The following SPINK5 variants were observed in gnomAD, a reference collection of about 807,000 sequenced individuals.
SPINK5 encodes the protein serine protease inhibitor Kazal-type 5.
SPINK5 carries 125 observed loss-of-function variants against 151.8 expected under a neutral mutation model. That is an observed-to-expected ratio of 0.82 (90% confidence interval 0.71 to 0.96). SPINK5 has a LOEUF of 0.96. Among genes scored for constraint, SPINK5 ranks in the 40% least tolerant of loss-of-function variants. The pLI, the probability that SPINK5 is intolerant of heterozygous loss-of-function variation, is 0.00. For missense variants in SPINK5, 1,194 were observed against 1,291.9 expected (o/e 0.92, Z 1.16); for synonymous variants, 374 against 395.3 (o/e 0.95, Z 0.64).
At chr5:148,109,639 G>A (rs112674531) in intron 18 of SPINK5, among the ~76,000 whole-genome samples, 6 of 151,914 alleles carry the variant, frequency 3.9e-5, no homozygotes, top group South Asian at 2.1e-4. Context: ...GATTTTACAC[G>A]CTTCTGCCAT....
At chr5:148,077,481 C>T (rs1332844511) in intron 4 of SPINK5, among the ~76,000 whole-genome samples, 1 of 150,854 alleles carries the variant, frequency 6.6e-6, no homozygotes, top group Non-Finnish European at 1.5e-5. Context: ...TGAAGGAGGT[C>T]ATTTAGCTGA....
intron 19 of SPINK5, 26 bp from the exon 20 acceptor site, chr5:148,112,842 T>C (rs766039444): frequency 3.1e-6 from 5 of 1,613,574 alleles, no homozygotes; most frequent in Non-Finnish European, 4.2e-6. Flanking sequence ...CTAGGAATGA[T>C]TGTTTTGTCC....
chr5:148,095,864 G>A lies in SPINK5; in HGVS notation c.841G>A (p.Gly281Arg), dbSNP rs766983037. Residue 281 changes from glycine to arginine, a missense_variant, in exon 10 of 33, where the codon GGA (glycine) becomes AGA (arginine). Coordinates refer to ENST00000256084, the MANE Select transcript of SPINK5 (RefSeq NM_006846.4). ...EENSKTDQNLGKAEEKTKVKR... is the reference protein window; with the variant it reads ...EENSKTDQNLRKAEEKTKVKR... ...AAACAGTAAAACAGATCAAAATTTG[G>A]GAAAAGCTGAAGAAAAAACTAAAGT... 4 of 1,612,304 alleles carry A rather than the reference G, an allele frequency of 2.5e-6. No individual in the cohort carries two copies. Among genetic ancestry groups the A allele is most frequent in the Non-Finnish European group, 3.4e-6 (4 of 1,179,000 alleles).
rs142558269 is a variant in SPINK5, at chr5:148,095,825, C to T, written c.802C>T (p.Arg268Cys). ...TTATTTTACTTTTTCCAGCAAGCAGCGTTTTTCAGAGGAAAACAGTAAAAC... is the reference window on the plus strand; with the variant it reads ...TTATTTTACTTTTTCCAGCAAGCAGTGTTTTTCAGAGGAAAACAGTAAAAC... Reference protein sequence around the residue: ...CALCAEIFKQRFSEENSKTDQ... With the variant: ...CALCAEIFKQCFSEENSKTDQ... Residue 268 changes from arginine to cysteine, a missense_variant, in exon 10 of 33, where the codon CGT becomes TGT. Physicochemically the swap from Arg to Cys is radical, Grantham distance 180. Transcript: ENST00000256084. 8.4e-3 allele frequency: 13,586 copies of T among 1,611,294 alleles called. 70 individuals carry two copies. Among genetic ancestry groups the T allele is most frequent in the South Asian group, 0.01 (952 of 91,016 alleles).
At chr5:148,070,075 A>G (rs778082098) in intron 2 of SPINK5, among the ~76,000 whole-genome samples, 1 of 152,098 alleles carries the variant, frequency 6.6e-6, no homozygotes, top group Non-Finnish European at 1.5e-5. Context: ...AATAATACTG[A>G]CAATCACCAG....
intron 4 of SPINK5, among the ~76,000 whole-genome samples, chr5:148,074,017 T>A (rs1001197453): frequency 7.9e-5 from 12 of 151,856 alleles, no homozygotes; most frequent in African/African-American, 2.7e-4. Flanking sequence ...TCTGTCTAAA[T>A]TTTTCCTTGT....
chr5:148,086,272 A>G (rs1753150950), intron 4 of SPINK5, 133 bp from the exon 5 acceptor site: 6 of 1,067,026 alleles, frequency 5.6e-6, no homozygotes, highest in Middle Eastern at 6.0e-4. Context: ...TATTAGCTCA[A>G]TGTAGCCTTC....
chr5:148,131,102 A>G (rs1429047056), intron 30 of SPINK5, among the ~76,000 whole-genome samples, 157 bp from the exon 31 acceptor site: 1 of 152,192 alleles, frequency 6.6e-6, no homozygotes, highest in Admixed American at 6.5e-5. Context: ...TCCACCTCAT[A>G]TGGTGCAAAA....
At chr5:148,086,314 T>G in intron 4 of SPINK5, 91 bp from the exon 5 acceptor site, 1 of 1,515,100 alleles carries the variant, frequency 6.6e-7, no homozygotes, top group Non-Finnish European at 8.9e-7. Flanking sequence ...GCAATTTACA[T>G]TATTGTGGGC....
intron 11 of SPINK5, 109 bp downstream of exon 11, chr5:148,098,103 A>G (rs1411554934): frequency 1.9e-6 from 2 of 1,042,738 alleles, no homozygotes; most frequent in Non-Finnish European, 2.9e-6. Flanking sequence ...CAGGGAAGTG[A>G]GTTGAAAACA....
chr5:148,132,499 A>G (rs565376095), intron 31 of SPINK5, among the ~76,000 whole-genome samples: 2 of 152,302 alleles, frequency 1.3e-5, no homozygotes, highest in East Asian at 3.9e-4. Context: ...TAGATAAGGC[A>G]CTTTCAGATT....
intron 29 of SPINK5, among the ~76,000 whole-genome samples, chr5:148,126,662 G>A (rs1256859341): frequency 6.6e-6 from 1 of 152,112 alleles, no homozygotes; most frequent in African/African-American, 2.4e-5. Context: ...TGCGATCTCA[G>A]TTCACTGCAA....
At chr5:148,123,563 A>T (rs1365081489) in intron 26 of SPINK5, among the ~76,000 whole-genome samples, 1 of 133,862 alleles carries the variant, frequency 7.5e-6, no homozygotes. Context: ...TCTTGCTTGC[A>T]ATATATATAT....
chr5:148,088,433 C>T (rs756587236), intron 5 of SPINK5, 109 bp from the exon 6 acceptor site: 3 of 895,346 alleles, frequency 3.4e-6, no homozygotes, highest in Non-Finnish European at 5.5e-6. Flanking sequence ...TATGTGGCAG[C>T]TGTTTTCGGG....
chr5:148,080,413 T>C (rs1240985682), intron 4 of SPINK5, among the ~76,000 whole-genome samples: 2 of 151,298 alleles, frequency 1.3e-5, no homozygotes, highest in Non-Finnish European at 1.5e-5. Flanking sequence ...ATATAAAAAA[T>C]ATTGAGACAT....
chr5:148,064,941 G>A (rs1188890762), intron 1 of SPINK5, among the ~76,000 whole-genome samples: 3 of 152,018 alleles, frequency 2.0e-5, no homozygotes, highest in Non-Finnish European at 2.9e-5. Context: ...TAAATGTAAT[G>A]CTATATTATA....
chr5:148,126,555 A>G (rs1754435221), intron 29 of SPINK5, among the ~76,000 whole-genome samples: 2 of 151,100 alleles, frequency 1.3e-5, no homozygotes, highest in African/African-American at 2.5e-5. Flanking sequence ...CACTATCTCA[A>G]TGTTCTGTGA....
chr5:148,099,501 CAA>C lies in SPINK5; in HGVS notation c.1092+203_1092+204del, dbSNP rs3214448. ...TCTTGCTGATTAAAAACTAACTCTG[CAA>C]AAAAAAAAAAAAAAAATTGTTTAAA... On this transcript the variant is annotated intron_variant, in intron 12 of 32. Coordinates refer to ENST00000256084, the MANE Select transcript of SPINK5 (RefSeq NM_006846.4). Among the ~76,000 whole-genome samples, 24,898 of 141,034 alleles carry C rather than the reference CAA, an allele frequency of 0.18. 2,724 individuals carry two copies. The highest frequency in any genetic ancestry group is 0.34 in the East Asian group (1,677 of 4,880). The allele number at this position is 141,034 out of a possible 152,430, so 92.5% of individuals were successfully genotyped here.
At chr5:148,112,769 A>G in intron 19 of SPINK5, 99 bp from the exon 20 acceptor site, 1 of 1,562,778 alleles carries the variant, frequency 6.4e-7, no homozygotes, top group Non-Finnish European at 8.7e-7. Context: ...TGGTGGAGGT[A>G]TAGAAGTAAT....
Sources: gnomAD v4.1 joint callset for allele counts (sites outside exome capture counted in the v4.1 genomes callset) on GRCh38, gnomAD v4.1.1 for gene constraint, MANE v1.5 for transcripts, NCBI Gene and HGNC (gene_info 2026-07-23, HGNC 2026-07-21) for gene names.